XIRP2: variants seen among roughly 807,000 people sequenced by gnomAD.
The protein encoded by XIRP2 is xin actin-binding repeat-containing protein 2.
A neutral mutation model predicts 277.0 loss-of-function variants in XIRP2; 236 were observed. That is an observed-to-expected ratio of 0.85 (90% CI 0.77 to 0.95). The LOEUF (loss-of-function observed/expected upper bound fraction) is 0.95. Ranked by LOEUF, XIRP2 falls within the 40% of genes least tolerant of loss-of-function variation. The pLI is 0.00. For missense variants in XIRP2, 4,640 were observed against 4,157.5 expected, an observed-to-expected ratio of 1.12 and a Z score of -3.19; for synonymous variants, 1,490 against 1,416.5, an observed-to-expected ratio of 1.05 and a Z score of -1.17.
At chr2:167,001,682 G>A (rs1485950823) in intron 2 of XIRP2, among the ~76,000 whole-genome samples, 1 of 152,030 alleles carries the variant, frequency 6.6e-6, no homozygotes, top group African/African-American at 2.4e-5. Flanking sequence ...GTAAAACTTA[G>A]GATTTTGTAA....
chr2:167,258,592 T>G lies in XIRP2; in HGVS notation c.*775T>G. The stretch of plus-strand genomic sequence containing the variant: ...ATGAAAAAACTAACCAAACTAATGG[T>G]GCAGAAGTTTTACAGGTTACTAACA... On this transcript the variant is annotated 3_prime_UTR_variant, in exon 11 of 11. Coordinates refer to ENST00000409195, the MANE Select transcript of XIRP2 (RefSeq NM_152381.6). 6.2e-7 allele frequency: 1 copy of G among 1,613,112 alleles called. No individual in the cohort carries two copies. Among genetic ancestry groups the G allele is most frequent in the South Asian group, 1.1e-5 (1 of 91,056 alleles).
In XIRP2 at chr2:167,010,304, C is replaced by A. The variant is rs533207921; in HGVS notation, c.408+106414C>A. 2.4e-3 allele frequency among the ~76,000 whole-genome samples: 359 copies of A among 151,518 alleles called. 1 individual carries two copies. Among genetic ancestry groups the A allele is most frequent in the African/African-American group, 8.2e-3 (341 of 41,422 alleles). Reference sequence around the variant, plus strand: ...TCTACATATGGCTAGCCAGTTTTCCCAGCACCATTTATTAAATAGGGAATC... The same window carrying A: ...TCTACATATGGCTAGCCAGTTTTCCAAGCACCATTTATTAAATAGGGAATC... On this transcript the variant is annotated intron_variant, in intron 2 of 10. Transcript: ENST00000409195.
chr2:167,253,232 A>G (rs76519387), intron 9 of XIRP2, among the ~76,000 whole-genome samples: 1,685 of 152,074 alleles, frequency 0.011, 10 homozygotes, highest in Non-Finnish European at 0.016. Context: ...TTAAACCACT[A>G]TACAAACACT....
chr2:167,009,685 T>C (rs1687609773), intron 2 of XIRP2, among the ~76,000 whole-genome samples: 1 of 152,056 alleles, frequency 6.6e-6, no homozygotes, highest in Non-Finnish European at 1.5e-5. Flanking sequence ...CCACCAACAG[T>C]GTAAAAGTGT....
Position 166,986,235 on chromosome 2 carries a change from A to G in XIRP2, c.408+82345A>G, listed in dbSNP as rs13423050. ...CATAGCAGAGTAGTGGAACATTCTAATAGACCCTAGGATTCTGAAGATATT... is the reference window on the plus strand; with the variant it reads ...CATAGCAGAGTAGTGGAACATTCTAGTAGACCCTAGGATTCTGAAGATATT... On this transcript the variant is annotated intron_variant, in intron 2 of 10. Coordinates refer to ENST00000409195, the MANE Select transcript of XIRP2 (RefSeq NM_152381.6). Among the ~76,000 whole-genome samples, 423 of 152,294 alleles carry G rather than the reference A, an allele frequency of 2.8e-3. 2 individuals are homozygous for G. The highest frequency in any genetic ancestry group is 6.9e-3 in the African/African-American group (285 of 41,560).
chr2:167,115,299 G>A (rs530529836), intron 2 of XIRP2, among the ~76,000 whole-genome samples: 1 of 152,232 alleles, frequency 6.6e-6, no homozygotes, highest in East Asian at 1.9e-4. Flanking sequence ...GGGTTTTGAT[G>A]AATGTCCTTC....
intron 3 of XIRP2, among the ~76,000 whole-genome samples, chr2:167,181,519 T>C (rs947955734): frequency 6.6e-6 from 1 of 152,156 alleles, no homozygotes; most frequent in African/African-American, 2.4e-5. Flanking sequence ...TAATTAATGT[T>C]ATTTTTTATT....
At chr2:166,903,942 G>A (rs1574064866) in intron 2 of XIRP2, 52 bp downstream of exon 2, 1 of 858,390 alleles carries the variant, frequency 1.2e-6, no homozygotes, top group Non-Finnish European at 1.7e-6. Context: ...TCCTTGCCTA[G>A]CCTACCATTT....
chr2:166,941,013 C>A (rs1300125741), intron 2 of XIRP2, among the ~76,000 whole-genome samples: 1 of 152,174 alleles, frequency 6.6e-6, no homozygotes, highest in Non-Finnish European at 1.5e-5. Context: ...GTTTCGCTGC[C>A]TTTTGCTTGG....
intron 2 of XIRP2, among the ~76,000 whole-genome samples, chr2:167,022,507 G>T (rs949635510): frequency 6.6e-6 from 1 of 151,974 alleles, no homozygotes. Flanking sequence ...GTGCAGGTTA[G>T]TTACCTATGT....
intron 3 of XIRP2, among the ~76,000 whole-genome samples, chr2:167,185,425 C>T (rs1693127320): frequency 6.6e-6 from 1 of 151,780 alleles, no homozygotes; most frequent in African/African-American, 2.4e-5. Flanking sequence ...GTATTTTTAT[C>T]AAATACACTT....
intron 2 of XIRP2, among the ~76,000 whole-genome samples, chr2:166,934,264 T>A (rs748432562): frequency 2.5e-4 from 35 of 141,568 alleles, no homozygotes; most frequent in Non-Finnish European, 4.4e-4. Context: ...CAAGCTACCA[T>A]AATTATATGC....
Position 167,108,441 on chromosome 2 carries a change from T to A in XIRP2, c.409-27468T>A, listed in dbSNP as rs886738752. Among the ~76,000 whole-genome samples the A allele has an allele frequency of 5.9e-5, 9 of 152,210 alleles. No individual in the cohort carries two copies. In the East Asian group the frequency reaches 1.7e-3, roughly 29 times the overall value. ...GGACCATAAGTTATTGATATGAGACTTTTTCTCTTTTCTAACATAAGCATT... is the reference window on the plus strand; with the variant it reads ...GGACCATAAGTTATTGATATGAGACATTTTCTCTTTTCTAACATAAGCATT... On this transcript the variant is annotated intron_variant, in intron 2 of 10. Transcript: ENST00000409195.
intron 2 of XIRP2, among the ~76,000 whole-genome samples, chr2:167,085,033 G>T (rs11677313): frequency 0.41 from 23,685 of 57,136 alleles, 5,782 homozygotes; most frequent in Non-Finnish European, 0.64. Flanking sequence ...AATTGTGATG[G>T]TAGGGTGTCA....
At chr2:167,208,909 C>A (rs1461951869) in intron 3 of XIRP2, among the ~76,000 whole-genome samples, 1 of 152,140 alleles carries the variant, frequency 6.6e-6, no homozygotes, top group Non-Finnish European at 1.5e-5. Flanking sequence ...GTAAGAACAG[C>A]ACAGCTGAAT....
At position 167,259,601 on chromosome 2, in the gene XIRP2, T is replaced by G; in HGVS notation, c.*1784T>G. On this transcript the variant is annotated 3_prime_UTR_variant, in exon 11 of 11. Transcript: ENST00000409195. ...AAGAGATGAAACACTATGGATATGT[T>G]TTCCATTCAAATGGCACTTTAGCAT... 2.5e-6 allele frequency: 1 copy of G among 404,348 alleles called. No homozygotes were observed. 25.0% of individuals were successfully genotyped at this position (404,348 alleles called of 1,614,324 possible).
At chr2:167,060,855 A>C (rs577986819) in intron 2 of XIRP2, among the ~76,000 whole-genome samples, 1 of 152,248 alleles carries the variant, frequency 6.6e-6, no homozygotes, top group East Asian at 1.9e-4. Flanking sequence ...TGGTTTCTAC[A>C]TTATTCCCAT....
intron 2 of XIRP2, among the ~76,000 whole-genome samples, chr2:167,065,151 C>T (rs1164817159): frequency 6.6e-6 from 1 of 151,896 alleles, no homozygotes; most frequent in Non-Finnish European, 1.5e-5. Flanking sequence ...TCTCCAAATC[C>T]TTGTCAATAC....
At chr2:167,200,068 G>T (rs939301960) in intron 3 of XIRP2, among the ~76,000 whole-genome samples, 1 of 152,188 alleles carries the variant, frequency 6.6e-6, no homozygotes, top group Non-Finnish European at 1.5e-5. Flanking sequence ...TAAATAGAAT[G>T]AGTAATGAAA....
Sources: allele counts gnomAD v4.1 joint callset (sites outside exome capture counted in the v4.1 genomes callset), GRCh38; gene constraint gnomAD v4.1.1; transcripts MANE v1.5; gene names NCBI Gene and HGNC (gene_info 2026-07-23, HGNC 2026-07-21).